The following SOX5 variants were observed in gnomAD, a reference collection of about 807,000 sequenced individuals.
SOX5 encodes transcription factor SOX-5.
In SOX5, 9 loss-of-function variants were observed where a neutral mutation model predicts 92.0. The observed-to-expected ratio is 0.10, with a 90% CI of 0.06 to 0.17. SOX5 has a LOEUF of 0.17. SOX5 is among the 10% of genes least tolerant of loss of function. SOX5 has a pLI of 1.00. For missense variants in SOX5, 642 were observed against 944.5 expected (o/e 0.68, Z 4.20); for synonymous variants, 344 against 336.3 (o/e 1.02, Z -0.25).
intron 4 of SOX5, among the ~76,000 whole-genome samples, chr12:24,112,430 G>A (rs938278985): frequency 6.7e-6 from 1 of 149,392 alleles, no homozygotes; most frequent in African/African-American, 2.5e-5. Flanking sequence ...GTCCTTTACA[G>A]AAAAGGTCTG....
chr12:24,288,106 C>A (rs1295377389), intron 2 of SOX5, among the ~76,000 whole-genome samples: 1 of 152,200 alleles, frequency 6.6e-6, no homozygotes, highest in Admixed American at 6.5e-5. Flanking sequence ...TAGCACAGTG[C>A]TTCACAACTG....
At chr12:23,743,858 T>C (rs866429591) in intron 4 of SOX5, among the ~76,000 whole-genome samples, 11 of 152,324 alleles carry the variant, frequency 7.2e-5, no homozygotes, top group Middle Eastern at 3.4e-3. Flanking sequence ...TTCTAGCCTG[T>C]GCTGTTCAAG....
At chr12:24,144,812 G>C in intron 4 of SOX5, among the ~76,000 whole-genome samples, 1 of 151,400 alleles carries the variant, frequency 6.6e-6, no homozygotes. Context: ...TTGGGTAAAA[G>C]AGCAAGACCC....
intron 4 of SOX5, among the ~76,000 whole-genome samples, chr12:23,974,416 G>A (rs1440818591): frequency 6.6e-6 from 1 of 151,654 alleles, no homozygotes; most frequent in African/African-American, 2.4e-5. Context: ...GTTTACCTTA[G>A]GTGACCCAGA....
intron 12 of SOX5, among the ~76,000 whole-genome samples, chr12:23,546,112 AG>A (rs1337255606): frequency 1.3e-5 from 2 of 152,128 alleles, no homozygotes; most frequent in African/African-American, 4.8e-5. Flanking sequence ...GACTTATCCT[AG>A]GTTGACTAGG....
chr12:24,292,015 A>C (rs987246754), intron 2 of SOX5, among the ~76,000 whole-genome samples: 3 of 152,250 alleles, frequency 2.0e-5, no homozygotes, highest in African/African-American at 7.2e-5. Context: ...ACAAACTCTT[A>C]CAGAGCACTT....
At chr12:23,967,207 CG>C (rs1947692207) in intron 4 of SOX5, among the ~76,000 whole-genome samples, 1 of 151,956 alleles carries the variant, frequency 6.6e-6, no homozygotes, top group Non-Finnish European at 1.5e-5. Context: ...TTTGAAAAGT[CG>C]ACACTAGGTG....
intron 9 of SOX5, among the ~76,000 whole-genome samples, chr12:23,583,796 T>C (rs918254385): frequency 6.6e-6 from 1 of 152,152 alleles, no homozygotes; most frequent in Admixed American, 6.6e-5. Context: ...AAATGTAATG[T>C]GTTTTTGACA....
At chr12:24,463,219 A>G (rs1392655093) in intron 1 of SOX5, among the ~76,000 whole-genome samples, 1 of 152,176 alleles carries the variant, frequency 6.6e-6, no homozygotes, top group East Asian at 1.9e-4. Context: ...AAAAAAAGAA[A>G]AAAAAAAAGC....
chr12:24,131,331 T>C (rs2138499048), intron 4 of SOX5, among the ~76,000 whole-genome samples: 1 of 152,302 alleles, frequency 6.6e-6, no homozygotes, highest in South Asian at 2.1e-4. Flanking sequence ...ATTATAGCAT[T>C]TATAACACCA....
intron 4 of SOX5, among the ~76,000 whole-genome samples, chr12:24,095,913 C>G (rs998724139): frequency 6.6e-6 from 1 of 152,132 alleles, no homozygotes; most frequent in African/African-American, 2.4e-5. Flanking sequence ...CTCAGCCATG[C>G]TGAACTACGA....
intron 10 of SOX5, among the ~76,000 whole-genome samples, chr12:23,570,920 AAAAAAAAAAAAT>A (rs1948107438): frequency 7.2e-5 from 3 of 41,696 alleles, no homozygotes; most frequent in African/African-American, 2.5e-4. Context: ...CAAAAAAAAA[AAAAAAAAAAAAT>A]ATATATATAT....
At chr12:23,949,406 C>A (rs1945170576) in intron 1 of SOX5, among the ~76,000 whole-genome samples, 158 bp downstream of exon 1, 1 of 152,058 alleles carries the variant, frequency 6.6e-6, no homozygotes, top group Non-Finnish European at 1.5e-5. Context: ...TTGGTCCGGG[C>A]AATCACAACA....
At chr12:24,031,232 A>G (rs1408985862) in intron 4 of SOX5, among the ~76,000 whole-genome samples, 3 of 151,460 alleles carry the variant, frequency 2.0e-5, no homozygotes, top group African/African-American at 7.3e-5. Flanking sequence ...GGAAATCAGT[A>G]TATCAAAAAG....
intron 4 of SOX5, among the ~76,000 whole-genome samples, chr12:24,081,105 T>C (rs1050670542): frequency 6.6e-6 from 1 of 151,962 alleles, no homozygotes; most frequent in Non-Finnish European, 1.5e-5. Context: ...GATCGTTTTC[T>C]CTCTTTATCC....
At chr12:23,954,571 T>C (rs1240495466), upstream of SOX5, among the ~76,000 whole-genome samples, 1 of 152,050 alleles carries the variant, frequency 6.6e-6, no homozygotes. Context: ...TTAAAACTCT[T>C]AGACTAGTGT....
intron 1 of SOX5, among the ~76,000 whole-genome samples, chr12:24,496,353 A>G (rs2138054992): frequency 6.6e-6 from 1 of 152,376 alleles, no homozygotes; most frequent in South Asian, 2.1e-4. Flanking sequence ...GAAAAGAACA[A>G]TAATTAGAGA....
chr12:24,516,999 G>A (rs1949848221), intron 1 of SOX5, among the ~76,000 whole-genome samples: 1 of 152,058 alleles, frequency 6.6e-6, no homozygotes, highest in South Asian at 2.1e-4. Context: ...CAATAAACAT[G>A]AGAATAAAAA....
chr12:23,636,374 T>C (rs1021344203), intron 8 of SOX5, among the ~76,000 whole-genome samples: 5 of 152,200 alleles, frequency 3.3e-5, no homozygotes, highest in Non-Finnish European at 7.4e-5. Flanking sequence ...CATAAAATAA[T>C]AGTTAATAAA....
Sources: gnomAD v4.1 joint callset for allele counts (sites outside exome capture counted in the v4.1 genomes callset) on GRCh38, gnomAD v4.1.1 for gene constraint, MANE v1.5 for transcripts, NCBI Gene and HGNC (gene_info 2026-07-23, HGNC 2026-07-21) for gene names.